The following RIMS1 variants were observed in gnomAD, a reference collection of about 807,000 sequenced individuals.
RIMS1 encodes regulating synaptic membrane exocytosis 1, also known as regulating synaptic membrane exocytosis protein 1.
A neutral mutation model predicts 214.1 loss-of-function variants in RIMS1; 83 were observed. The ratio of observed to expected loss-of-function variants is 0.39; its 90% CI spans 0.32 to 0.47. The LOEUF is 0.47. Ranked by LOEUF, RIMS1 falls within the 20% of genes least tolerant of loss-of-function variation. The pLI, the probability that RIMS1 is intolerant of heterozygous loss-of-function variation, is 0.99. For missense variants in RIMS1, 2,050 were observed against 2,161.8 expected, an observed-to-expected ratio of 0.95 and a Z score of 1.03; for synonymous variants, 793 against 786.8, an observed-to-expected ratio of 1.01 and a Z score of -0.13.
chr6:72,176,252 C>A (rs2047687056), intron 4 of RIMS1, among the ~76,000 whole-genome samples: 1 of 152,046 alleles, frequency 6.6e-6, no homozygotes, highest in Non-Finnish European at 1.5e-5. Context: ...AAATAAATAG[C>A]ATTTTTTTGT....
At chr6:72,054,072 C>T (rs1270608195) in intron 2 of RIMS1, among the ~76,000 whole-genome samples, 1 of 152,086 alleles carries the variant, frequency 6.6e-6, no homozygotes, top group African/African-American at 2.4e-5. Flanking sequence ...GCTCTCCCTC[C>T]CCTTGCCCAC....
intron 2 of RIMS1, among the ~76,000 whole-genome samples, chr6:71,995,522 TTG>T (rs567610596): frequency 3.6e-4 from 54 of 148,740 alleles, no homozygotes; most frequent in African/African-American, 1.3e-3. Context: ...TTGTGTTTGT[TTG>T]TGTGTGTGTG....
chr6:72,265,314 T>C, intron 20 of RIMS1, 76 bp from the exon 21 acceptor site: 2 of 825,436 alleles, frequency 2.4e-6, no homozygotes, highest in East Asian at 5.6e-5. Flanking sequence ...TGCTTTGTCA[T>C]TTGTATATTG....
At chr6:72,143,184 A>T (rs919732839) in intron 4 of RIMS1, among the ~76,000 whole-genome samples, 2 of 152,128 alleles carry the variant, frequency 1.3e-5, no homozygotes, top group Non-Finnish European at 2.9e-5. Flanking sequence ...CTTAAATGTG[A>T]TATTTATCTC....
chr6:72,000,162 A>G (rs1804716386), intron 2 of RIMS1, among the ~76,000 whole-genome samples: 1 of 152,148 alleles, frequency 6.6e-6, no homozygotes, highest in South Asian at 2.1e-4. Context: ...ATGATATGAT[A>G]TATTAATAAC....
chr6:71,967,216 G>A (rs558930288), intron 1 of RIMS1, among the ~76,000 whole-genome samples: 11 of 152,044 alleles, frequency 7.2e-5, no homozygotes, highest in African/African-American at 1.7e-4. Context: ...GTGAAACCCC[G>A]TCTCTACTAA....
chr6:72,357,178 A>G (rs182551677), intron 29 of RIMS1, among the ~76,000 whole-genome samples: 2 of 152,336 alleles, frequency 1.3e-5, no homozygotes, highest in African/African-American at 4.8e-5. Flanking sequence ...TGGAGCCTCT[A>G]GAGAAAATAT....
At chr6:72,344,878 T>C (rs914887329) in intron 29 of RIMS1, among the ~76,000 whole-genome samples, 1 of 151,812 alleles carries the variant, frequency 6.6e-6, no homozygotes, top group African/African-American at 2.4e-5. Flanking sequence ...ATAGATATAC[T>C]TTTAGGTTGG....
intron 2 of RIMS1, among the ~76,000 whole-genome samples, chr6:71,976,915 CAA>C (rs1374508106): frequency 6.6e-6 from 1 of 152,032 alleles, no homozygotes; most frequent in Admixed American, 6.6e-5. Flanking sequence ...AAAGATTAAA[CAA>C]AAGTGTGAAT....
At chr6:72,320,419 A>G (rs1490771452) in intron 28 of RIMS1, among the ~76,000 whole-genome samples, 1 of 152,164 alleles carries the variant, frequency 6.6e-6, no homozygotes, top group Non-Finnish European at 1.5e-5. Flanking sequence ...CTGCTGCTTT[A>G]AAAACATATT....
At chr6:72,390,501 A>T in intron 29 of RIMS1, 97 bp from the exon 30 acceptor site, 2 of 1,277,386 alleles carry the variant, frequency 1.6e-6, no homozygotes, top group Non-Finnish European at 2.2e-6. Flanking sequence ...ATTTGTAATT[A>T]TGTGTAAAAT....
At chr6:72,075,286 C>A (rs1388615644) in intron 2 of RIMS1, among the ~76,000 whole-genome samples, 1 of 151,910 alleles carries the variant, frequency 6.6e-6, no homozygotes, top group Non-Finnish European at 1.5e-5. Flanking sequence ...ACAAAAAAAA[C>A]GTGTAGAGAG....
intron 4 of RIMS1, among the ~76,000 whole-genome samples, chr6:72,129,676 A>G (rs192993688): frequency 7.9e-5 from 12 of 152,212 alleles, no homozygotes; most frequent in South Asian, 2.1e-4. Flanking sequence ...TTTAATGCAG[A>G]TGGGACCCTA....
chr6:71,986,013 T>C (rs1052860706), intron 2 of RIMS1, among the ~76,000 whole-genome samples: 1 of 152,194 alleles, frequency 6.6e-6, no homozygotes, highest in African/African-American at 2.4e-5. Context: ...ATTGCTAGAT[T>C]TAGCAAATAA....
rs1371250054 is a variant in RIMS1 at position 72,179,909 on chromosome 6, G to A, written c.806G>A (p.Arg269Lys). Reference protein sequence around the residue: ...ASSRSRSEPPRERKKTPGLSE... With the variant: ...ASSRSRSEPPKERKKTPGLSE... ...TCCAGGTCTAGAAGTGAACCTCCTA[G>A]AGAGAGGTAATAGTTCTTTCACCCT... is the stretch of plus-strand genomic sequence containing the variant. Residue 269 changes from arginine (R) to lysine (K), a missense_variant, in exon 5 of 34, where the codon AGA (arginine) becomes AAA (lysine). Physicochemically the swap from Arg to Lys is conservative, Grantham distance 26. Transcript: ENST00000521978. 5.4e-6 allele frequency: 8 copies of A among 1,492,320 alleles called. No individual in the cohort carries two copies. Among genetic ancestry groups the A allele is most frequent in the African/African-American group, 2.8e-5 (2 of 71,370 alleles). 92.4% of individuals were successfully genotyped at this position (1,492,320 alleles called of 1,614,324 possible).
At chr6:71,992,920 C>T (rs143257520) in intron 2 of RIMS1, among the ~76,000 whole-genome samples, 53 of 152,258 alleles carry the variant, frequency 3.5e-4, no homozygotes, top group Middle Eastern at 3.4e-3. Context: ...CTTGGCCTTC[C>T]AAAGTGCAGG....
rs1197747685 is a variant in RIMS1, at chr6:72,291,955, A to G, written c.3759A>G (p.Pro1253=). Residue 1253 remains proline, a synonymous_variant, in exon 26 of 34, where the codon CCA becomes CCG. Transcript: ENST00000521978. ...GCAGAATGCACCGACAGAGAAGTCC[A>G]ACACAATCTCCTCCAGCAGACACAT... ...LLTRMHRQRS[P]TQSPPADTSF... is the part of the protein sequence containing the mutation. 3.8e-6 allele frequency: 6 copies of G among 1,561,346 alleles called. No individual in the cohort carries two copies. In the East Asian group the frequency reaches 1.4e-4, roughly 38 times the overall value.
chr6:72,334,954 T>A (rs2096789046), intron 29 of RIMS1, among the ~76,000 whole-genome samples: 1 of 151,930 alleles, frequency 6.6e-6, no homozygotes, highest in South Asian at 2.1e-4. Flanking sequence ...TTTGTCTTCT[T>A]TAGAGTCAAG....
At chr6:72,090,448 C>G (rs1298712274) in intron 2 of RIMS1, among the ~76,000 whole-genome samples, 16 of 152,070 alleles carry the variant, frequency 1.1e-4, no homozygotes, top group Admixed American at 9.8e-4. Flanking sequence ...GTCTAAAAGA[C>G]TGTGCTGTTT....
Sources: gnomAD v4.1 joint callset for allele counts (sites outside exome capture counted in the v4.1 genomes callset) on GRCh38, gnomAD v4.1.1 for gene constraint, MANE v1.5 for transcripts, NCBI Gene and HGNC (gene_info 2026-07-23, HGNC 2026-07-21) for gene names.